Variants in PPP2R2B observed in about 807,000 individuals in gnomAD.
PPP2R2B encodes the protein serine/threonine-protein phosphatase 2A 55 kDa regulatory subunit B beta isoform.
Under a neutral mutation model 46.0 loss-of-function variants are expected in PPP2R2B, and 5 were observed. The observed-to-expected ratio is 0.11, with a 90% CI of 0.06 to 0.23. The LOEUF is 0.23. PPP2R2B is among the 10% of genes least tolerant of loss of function. PPP2R2B has a pLI of 1.00. For synonymous variants in PPP2R2B, 215 were observed against 206.7 expected, an observed-to-expected ratio of 1.04 and a Z score of -0.34; for missense variants, 367 against 575.0, an observed-to-expected ratio of 0.64 and a Z score of 3.70.
At chr5:146,742,107 GA>G (rs1478253119) in intron 2 of PPP2R2B, among the ~76,000 whole-genome samples, 2 of 152,148 alleles carry the variant, frequency 1.3e-5, no homozygotes, top group African/African-American at 4.8e-5. Flanking sequence ...GTATGTGTCA[GA>G]AAAAAATGTT....
At chr5:146,709,057 G>A (rs1780068276) in intron 2 of PPP2R2B, among the ~76,000 whole-genome samples, 1 of 152,196 alleles carries the variant, frequency 6.6e-6, no homozygotes. Flanking sequence ...AATACGTTCT[G>A]TTTGATCCAG....
intron 2 of PPP2R2B, among the ~76,000 whole-genome samples, chr5:146,806,458 C>A (rs1757183649): frequency 6.6e-6 from 1 of 152,060 alleles, no homozygotes; most frequent in African/African-American, 2.4e-5. Flanking sequence ...CCTCTAGAAT[C>A]TTGCTTGTAA....
At chr5:146,686,446 A>C (rs1778505606) in intron 5 of PPP2R2B, among the ~76,000 whole-genome samples, 1 of 152,234 alleles carries the variant, frequency 6.6e-6, no homozygotes. Context: ...ATGGCTTCAG[A>C]TGATCTGGAG....
intron 9 of PPP2R2B, chr5:146,592,293 C>T: frequency 4.5e-6 from 1 of 222,186 alleles, no homozygotes; most frequent in Non-Finnish European, 9.2e-6. Context: ...AAGCTTGAAT[C>T]TCTGAATGTC....
chr5:146,881,001 C>T (rs996563073), upstream of PPP2R2B, among the ~76,000 whole-genome samples: 4 of 151,688 alleles, frequency 2.6e-5, no homozygotes, highest in Admixed American at 6.6e-5. Context: ...CATAACACAA[C>T]GACCTGTGGT....
chr5:146,881,953 A>T (rs1470712734), upstream of PPP2R2B, among the ~76,000 whole-genome samples: 2 of 152,260 alleles, frequency 1.3e-5, no homozygotes, highest in African/African-American at 4.8e-5. Flanking sequence ...GTATGCATAT[A>T]TACGATCAAA....
chr5:146,855,827 T>C (rs1760625244), intron 2 of PPP2R2B, among the ~76,000 whole-genome samples: 1 of 152,180 alleles, frequency 6.6e-6, no homozygotes, highest in Admixed American at 6.5e-5. Flanking sequence ...CCACACACTG[T>C]ATCGAGAAAT....
At chr5:146,687,303 G>A (rs1004946194) in intron 5 of PPP2R2B, among the ~76,000 whole-genome samples, 5 of 152,048 alleles carry the variant, frequency 3.3e-5, no homozygotes, top group Admixed American at 6.6e-5. Flanking sequence ...AGGCTGCATC[G>A]GATCGAAGGG....
At position 146,589,789 on chromosome 5, in the gene PPP2R2B, G is replaced by A. The variant is rs762383716; in HGVS notation, c.*158C>T. 1 of 783,126 alleles carries A rather than the reference G, an allele frequency of 1.3e-6. No homozygotes were observed. Among genetic ancestry groups the A allele is most frequent in the African/African-American group, 1.7e-5 (1 of 57,462 alleles). The allele number at this position is 783,126 out of a possible 1,614,324, so 48.5% of individuals were successfully genotyped here. A position where few individuals can be genotyped will look rare whatever the true frequency, so the allele number is the denominator to read the frequency against. On this transcript the variant is annotated 3_prime_UTR_variant, in exon 10 of 10. Transcript: ENST00000394411. ...GGTTTGACAAAAGTTTCTTAGAACT[G>A]GGGAGCTGGGAATGTTGGACTCCTT...
chr5:146,844,584 C>T (rs758659201), intron 2 of PPP2R2B, among the ~76,000 whole-genome samples: 9 of 152,162 alleles, frequency 5.9e-5, no homozygotes, highest in Non-Finnish European at 7.3e-5. Context: ...AGAAGACCTG[C>T]ATGCCCGGAT....
At chr5:146,733,103 TG>T (rs1752327718) in intron 2 of PPP2R2B, among the ~76,000 whole-genome samples, 1 of 152,242 alleles carries the variant, frequency 6.6e-6, no homozygotes, top group South Asian at 2.1e-4. Context: ...TAGGTCACCA[TG>T]AACTCTCAGC....
rs550262146 is a variant in PPP2R2B at position 146,966,529 on chromosome 5, C to T, written c.79+89136G>A. Among the ~76,000 whole-genome samples, 10 of 152,330 alleles carry T rather than the reference C, an allele frequency of 6.6e-5. No homozygotes were observed. In the South Asian group the frequency reaches 1.9e-3, roughly 28 times the overall value. On this transcript the variant is annotated intron_variant, in intron 1 of 8. Coordinates refer to the PPP2R2B transcript ENST00000336640. ...CTGACATGACCTAAGGCCCCTCCCT[C>T]AACACTCTAATCCATCATACCATTT...
intron 2 of PPP2R2B, among the ~76,000 whole-genome samples, chr5:147,069,765 A>G (rs944395976): frequency 2.3e-5 from 3 of 132,546 alleles, no homozygotes; most frequent in African/African-American, 3.2e-5. Context: ...AGCCACTCCC[A>G]CATGAACACA....
chr5:146,683,546 G>A (rs1778306835), intron 5 of PPP2R2B, among the ~76,000 whole-genome samples: 2 of 152,260 alleles, frequency 1.3e-5, no homozygotes, highest in East Asian at 1.9e-4. Flanking sequence ...CATGCAAAAT[G>A]TTCTTGGAAC....
At chr5:146,652,118 G>A (rs1776006202) in intron 5 of PPP2R2B, among the ~76,000 whole-genome samples, 1 of 152,160 alleles carries the variant, frequency 6.6e-6, no homozygotes. Flanking sequence ...ACGGATAAGG[G>A]CCTATAGATT....
intron 2 of PPP2R2B, among the ~76,000 whole-genome samples, chr5:146,875,946 G>A (rs2151417487): frequency 6.6e-6 from 1 of 152,354 alleles, no homozygotes; most frequent in South Asian, 2.1e-4. Context: ...GGTCAAAACT[G>A]TAGGGAACTT....
intron 5 of PPP2R2B, among the ~76,000 whole-genome samples, chr5:146,675,209 C>T (rs890518560): frequency 3.9e-5 from 6 of 152,152 alleles, no homozygotes; most frequent in African/African-American, 1.4e-4. Context: ...ATCCACCCGC[C>T]TCAGCCTCCT....
chr5:146,999,590 ACC>A, intron 1 of PPP2R2B, among the ~76,000 whole-genome samples: 1 of 152,092 alleles, frequency 6.6e-6, no homozygotes, highest in South Asian at 2.1e-4. Flanking sequence ...CTCTCAGGGG[ACC>A]TTATGTGGCT....
At chr5:146,808,766 G>A (rs1311092348) in intron 2 of PPP2R2B, among the ~76,000 whole-genome samples, 1 of 152,150 alleles carries the variant, frequency 6.6e-6, no homozygotes, top group Non-Finnish European at 1.5e-5. Context: ...ACTTGCCAAG[G>A]TATCTGCAGG....
Sources: allele counts gnomAD v4.1 joint callset (sites outside exome capture counted in the v4.1 genomes callset), GRCh38; gene constraint gnomAD v4.1.1; transcripts MANE v1.5; gene names NCBI Gene and HGNC (gene_info 2026-07-23, HGNC 2026-07-21).